Variants in TSPAN18 observed in about 807,000 individuals in gnomAD.
The protein encoded by TSPAN18 is tetraspanin-18.
TSPAN18 carries 14 observed loss-of-function variants against 27.3 expected under a neutral mutation model. That is an observed-to-expected ratio of 0.51 (90% CI 0.34 to 0.80). The LOEUF is 0.80. Ranked by LOEUF, TSPAN18 falls within the 30% of genes least tolerant of loss-of-function variation. The probability of loss-of-function intolerance (pLI) is 0.01; values close to 1 mark genes in which losing one functional copy is unlikely to be tolerated. For missense variants in TSPAN18, 268 were observed against 323.9 expected, an observed-to-expected ratio of 0.83 and a Z score of 1.32; for synonymous variants, 143 against 136.5, an observed-to-expected ratio of 1.05 and a Z score of -0.33.
intron 2 of TSPAN18, among the ~76,000 whole-genome samples, chr11:44,820,568 T>C (rs1856906960): frequency 6.6e-6 from 1 of 152,246 alleles, no homozygotes; most frequent in African/African-American, 2.4e-5. Flanking sequence ...GCAAGTTCCT[T>C]AAACTTCCTA....
At chr11:44,890,742 C>CAAAAA (rs60185116) in intron 3 of TSPAN18, among the ~76,000 whole-genome samples, 18 of 80,394 alleles carry the variant, frequency 2.2e-4, no homozygotes, top group Non-Finnish European at 3.9e-4. Context: ...GACTCCAACT[C>CAAAAA]AAAAAAAAAA....
intron 3 of TSPAN18, among the ~76,000 whole-genome samples, chr11:44,873,159 A>C (rs1361574823): frequency 6.6e-6 from 1 of 152,168 alleles, no homozygotes; most frequent in Admixed American, 6.5e-5. Flanking sequence ...TTCCATTCTA[A>C]GATATTCCAG....
At chr11:44,880,821 T>C (rs1858469751) in intron 3 of TSPAN18, among the ~76,000 whole-genome samples, 1 of 152,224 alleles carries the variant, frequency 6.6e-6, no homozygotes, top group African/African-American at 2.4e-5. Flanking sequence ...GACTGATTCC[T>C]CCGTGAGAGC....
rs556690427 is a variant in TSPAN18 at position 44,753,230 on chromosome 11, G to A, written c.-239-11196G>A. Among the ~76,000 whole-genome samples the A allele has an allele frequency of 3.7e-4, 57 of 152,242 alleles. No homozygotes were observed. The South Asian group carries it at 0.012, about 32-fold the overall frequency. On this transcript the variant is annotated intron_variant, in intron 1 of 9. Coordinates refer to ENST00000520358, the MANE Select transcript of TSPAN18 (RefSeq NM_130783.5). ...TGCAACCTCCGACTCCCTGGTTCAA[G>A]CGATTCTCCTGCCTCAACCTCCCGA...
chr11:44,775,597 C>T (rs922029781), intron 2 of TSPAN18, among the ~76,000 whole-genome samples: 1 of 151,518 alleles, frequency 6.6e-6, no homozygotes, highest in African/African-American at 2.4e-5. Flanking sequence ...CCTCTAGTGG[C>T]GGGGGTGGGA....
At chr11:44,795,252 C>T (rs958210820) in intron 2 of TSPAN18, among the ~76,000 whole-genome samples, 3 of 152,146 alleles carry the variant, frequency 2.0e-5, no homozygotes, top group Non-Finnish European at 4.4e-5. Context: ...CCCTCACTGG[C>T]CCACTCCAGC....
intron 2 of TSPAN18, among the ~76,000 whole-genome samples, chr11:44,768,152 T>A (rs1026762863): frequency 6.6e-6 from 1 of 152,184 alleles, no homozygotes; most frequent in African/African-American, 2.4e-5. Flanking sequence ...CTTGCAGGAT[T>A]TTGATTGGGG....
At chr11:44,759,979 G>A (rs1352174343) in intron 1 of TSPAN18, among the ~76,000 whole-genome samples, 1 of 152,206 alleles carries the variant, frequency 6.6e-6, no homozygotes, top group African/African-American at 2.4e-5. Context: ...GCCAAGTGAG[G>A]GGAGGGGTGA....
At chr11:44,731,947 A>G (rs1359102055) in intron 1 of TSPAN18, among the ~76,000 whole-genome samples, 1 of 152,218 alleles carries the variant, frequency 6.6e-6, no homozygotes, top group East Asian at 1.9e-4. Flanking sequence ...TAAGCTGATC[A>G]GCCTCTCCCA....
chr11:44,804,276 G>A (rs1415272505), intron 2 of TSPAN18, among the ~76,000 whole-genome samples: 4 of 152,086 alleles, frequency 2.6e-5, no homozygotes, highest in Non-Finnish European at 5.9e-5. Flanking sequence ...GCAAATTTTT[G>A]TATTTTTAGT....
At chr11:44,921,820 G>A (rs1860147872) in intron 8 of TSPAN18, among the ~76,000 whole-genome samples, 2 of 152,266 alleles carry the variant, frequency 1.3e-5, no homozygotes, top group Middle Eastern at 3.4e-3. Flanking sequence ...CCCATGGGCC[G>A]CATTCCCCGC....
chr11:44,834,779 G>T (rs1857230408), intron 2 of TSPAN18, among the ~76,000 whole-genome samples: 1 of 152,142 alleles, frequency 6.6e-6, no homozygotes, highest in African/African-American at 2.4e-5. Context: ...GATAATATTT[G>T]CATGGTTGTC....
chr11:44,827,651 T>C (rs1857071976), intron 2 of TSPAN18, among the ~76,000 whole-genome samples: 1 of 152,216 alleles, frequency 6.6e-6, no homozygotes, highest in Admixed American at 6.5e-5. Flanking sequence ...TTTCAAAATG[T>C]GGAAACCCAA....
chr11:44,791,716 G>T (rs951479753), intron 2 of TSPAN18, among the ~76,000 whole-genome samples: 2 of 152,242 alleles, frequency 1.3e-5, no homozygotes, highest in African/African-American at 4.8e-5. Flanking sequence ...GGAGCAATGT[G>T]CAGTGGACAG....
intron 3 of TSPAN18, among the ~76,000 whole-genome samples, chr11:44,869,916 A>C (rs566035013): frequency 6.6e-6 from 1 of 152,286 alleles, no homozygotes; most frequent in Non-Finnish European, 1.5e-5. Context: ...GCACCAGTAT[A>C]ACAGCTCAGG....
At chr11:44,890,884 T>C (rs764335893) in intron 3 of TSPAN18, among the ~76,000 whole-genome samples, 5 of 152,104 alleles carry the variant, frequency 3.3e-5, no homozygotes, top group Admixed American at 6.5e-5. Flanking sequence ...TTTAAAAAAG[T>C]ATTTTGGTTG....
intron 2 of TSPAN18, among the ~76,000 whole-genome samples, chr11:44,809,544 C>T (rs960686162): frequency 6.6e-6 from 1 of 152,164 alleles, no homozygotes; most frequent in African/African-American, 2.4e-5. Flanking sequence ...GGACATGGGC[C>T]CGAATAACCC....
chr11:44,790,406 CGTGTGTGCAT>C (rs528529126), intron 2 of TSPAN18, among the ~76,000 whole-genome samples: 85 of 123,594 alleles, frequency 6.9e-4, no homozygotes, highest in Admixed American at 9.9e-4. Context: ...CTTGCTTGTA[CGTGTGTGCAT>C]GTGTGTGCAT....
At chr11:44,762,244 T>C (rs1855470101) in intron 1 of TSPAN18, among the ~76,000 whole-genome samples, 1 of 152,096 alleles carries the variant, frequency 6.6e-6, no homozygotes, top group South Asian at 2.1e-4. Flanking sequence ...TGGTGGGAAA[T>C]AAACAAATGG....
Sources: allele counts gnomAD v4.1 joint callset (sites outside exome capture counted in the v4.1 genomes callset), GRCh38; gene constraint gnomAD v4.1.1; transcripts MANE v1.5; gene names NCBI Gene and HGNC (gene_info 2026-07-23, HGNC 2026-07-21).